TLCD4: variants seen among roughly 807,000 people sequenced by gnomAD.
TLCD4 encodes the protein TLC domain-containing protein 4.
Under a neutral mutation model 24.2 loss-of-function variants are expected in TLCD4, and 7 were observed. The observed-to-expected ratio is 0.29, with a 90% confidence interval of 0.16 to 0.54. TLCD4 has a LOEUF of 0.54. Ranked by LOEUF, TLCD4 falls within the 20% of genes least tolerant of loss-of-function variation. The pLI is 0.95. For missense variants in TLCD4, 259 were observed against 313.9 expected (o/e 0.82, Z 1.32); for synonymous variants, 103 against 106.4 (o/e 0.97, Z 0.20).
Position 95,192,494 on chromosome 1 carries a change from TG to T in TLCD4, c.*627del, listed in dbSNP as rs1294467749. On this transcript the variant is annotated 3_prime_UTR_variant, in exon 7 of 7. Coordinates refer to ENST00000370203, the MANE Select transcript of TLCD4 (RefSeq NM_152487.3). ...ATTTTTTCTCTGTGAAAGATGACTATGATAATCTGGTACAAATGGTTTTATG... is the reference window on the plus strand; with the variant it reads ...ATTTTTTCTCTGTGAAAGATGACTATATAATCTGGTACAAATGGTTTTATG... The T allele has an allele frequency of 6.6e-6, 1 of 152,230 alleles. No individual in the cohort carries two copies. Among genetic ancestry groups the T allele is most frequent in the Admixed American group, 6.5e-5 (1 of 15,284 alleles). The allele number at this position is 152,230 out of a possible 1,614,324, so 9.4% of individuals were successfully genotyped here. A position where few individuals can be genotyped will look rare whatever the true frequency, so the allele number is the denominator to read the frequency against.
intron 5 of TLCD4, among the ~76,000 whole-genome samples, chr1:95,167,844 T>C (rs897574194): frequency 6.6e-6 from 1 of 152,158 alleles, no homozygotes; most frequent in East Asian, 1.9e-4. Context: ...TCACCACCTG[T>C]TTCTTTGTTT....
intron 1 of TLCD4, among the ~76,000 whole-genome samples, chr1:95,126,570 G>A (rs1351693501): frequency 2.0e-5 from 3 of 152,294 alleles, no homozygotes; most frequent in South Asian, 4.1e-4. Context: ...CTGTGGGTTG[G>A]CTAGGTAGTT....
At chr1:95,105,333 T>C in the TLCD4 span, among the ~76,000 whole-genome samples, 8 of 152,332 alleles carry the variant, frequency 5.3e-5, no homozygotes, top group Admixed American at 4.6e-4. Context: ...CCCTGAAATA[T>C]CCTTTTCCCT....
Position 95,192,192 on chromosome 1 carries a change from G to A in TLCD4, c.*324G>A, listed in dbSNP as rs1349577603. The A allele has an allele frequency of 1.3e-5, 3 of 228,218 alleles. No individual in the cohort carries two copies. Among genetic ancestry groups the A allele is most frequent in the Non-Finnish European group, 2.5e-5 (3 of 119,826 alleles). The allele number at this position is 228,218 out of a possible 1,614,324, so 14.1% of individuals were successfully genotyped here. A position where few individuals can be genotyped will look rare whatever the true frequency, so the allele number is the denominator to read the frequency against. On this transcript the variant is annotated 3_prime_UTR_variant, in exon 7 of 7. Transcript: ENST00000370203. ...TTGGCGCCTGTAATCCCAGCTACTC[G>A]GGAGGCTGAGGCAGGAGAATCGCTT...
Position 95,150,353 on chromosome 1 carries a change from AT to A in TLCD4, c.304+90del, listed in dbSNP as rs936356757. Reference sequence around the variant, plus strand: ...AATATATAGTCTATGCTTTTGGTTTATTTGAGAGATAGCATTTAGGAAGCAT... The same window carrying A: ...AATATATAGTCTATGCTTTTGGTTTATTGAGAGATAGCATTTAGGAAGCAT... On this transcript the variant is annotated intron_variant, in intron 4 of 6. Transcript: ENST00000370203. The A allele has an allele frequency of 1.8e-5, 27 of 1,510,344 alleles. No individual in the cohort carries two copies. The Admixed American group carries it at 5.7e-4, about 32-fold the overall frequency. The allele number at this position is 1,510,344 out of a possible 1,614,324, so 93.6% of individuals were successfully genotyped here.
intron 1 of TLCD4, among the ~76,000 whole-genome samples, chr1:95,136,023 G>C (rs1324103543): frequency 6.6e-6 from 1 of 151,804 alleles, no homozygotes; most frequent in Non-Finnish European, 1.5e-5. Context: ...AGCCTGGCCT[G>C]CTCTCAAGTT....
chr1:95,105,282 C>T, the TLCD4 span, among the ~76,000 whole-genome samples: 1 of 152,136 alleles, frequency 6.6e-6, no homozygotes, highest in Non-Finnish European at 1.5e-5. Flanking sequence ...TATTTTAAGT[C>T]AGGGACTATC....
At chr1:95,132,938 A>G (rs55988048) in intron 1 of TLCD4, among the ~76,000 whole-genome samples, 10,011 of 152,224 alleles carry the variant, frequency 0.066, 428 homozygotes, top group South Asian at 0.1. Flanking sequence ...TAACCTTAGC[A>G]ACAGCTATTC....
upstream of TLCD4, among the ~76,000 whole-genome samples, chr1:95,112,416 C>T (rs979258333): frequency 1.3e-4 from 20 of 151,930 alleles, no homozygotes; most frequent in African/African-American, 4.8e-4. Flanking sequence ...AAAAAATTTG[C>T]AAATGAGATA....
intron 5 of TLCD4, among the ~76,000 whole-genome samples, chr1:95,167,837 C>T (rs767466761): frequency 2.4e-4 from 36 of 152,176 alleles, no homozygotes; most frequent in Non-Finnish European, 4.0e-4. Flanking sequence ...CACATTCTCA[C>T]CACCTGTTTC....
At chr1:95,101,298 C>T in the TLCD4 span, among the ~76,000 whole-genome samples, 9 of 151,750 alleles carry the variant, frequency 5.9e-5, no homozygotes, top group East Asian at 1.2e-3. Context: ...CTGTCACCCA[C>T]GCTAGAGTAC....
intron 1 of TLCD4, among the ~76,000 whole-genome samples, chr1:95,119,591 G>GT (rs1393341214): frequency 6.6e-6 from 1 of 152,172 alleles, no homozygotes; most frequent in Non-Finnish European, 1.5e-5. Context: ...TGTACCTGAG[G>GT]TTTGATGGGC....
In TLCD4 at chr1:95,191,880, C is replaced by T. The variant is rs564178331; in HGVS notation, c.*12C>T. On this transcript the variant is annotated 3_prime_UTR_variant, in exon 7 of 7. Coordinates refer to ENST00000370203, the MANE Select transcript of TLCD4 (RefSeq NM_152487.3). The stretch of plus-strand genomic sequence containing the variant: ...GAAAACTTGATTAAAAGAGTGCTAC[C>T]GATAAGCAAACTTCATTACTACCCA... 9.3e-6 allele frequency: 15 copies of T among 1,606,022 alleles called. No homozygotes were observed. Among genetic ancestry groups the T allele is most frequent in the East Asian group, 6.7e-5 (3 of 44,814 alleles).
At chr1:95,151,903 A>G (rs1677504212) in intron 5 of TLCD4, among the ~76,000 whole-genome samples, 1 of 152,146 alleles carries the variant, frequency 6.6e-6, no homozygotes, top group South Asian at 2.1e-4. Flanking sequence ...GATTCTTCCA[A>G]CAGATCTCAG....
intron 6 of TLCD4, 198 bp downstream of exon 6, chr1:95,174,087 G>A: frequency 1.4e-6 from 1 of 706,976 alleles, no homozygotes; most frequent in Non-Finnish European, 2.3e-6. Flanking sequence ...TAGCTAGCAA[G>A]TGGTGGTGCT....
chr1:95,147,627 TTC>T (rs1557684314), intron 2 of TLCD4, among the ~76,000 whole-genome samples: 1 of 152,218 alleles, frequency 6.6e-6, no homozygotes, highest in Non-Finnish European at 1.5e-5. Flanking sequence ...CAATGAAATT[TTC>T]TGATACCAAA....
At chr1:95,169,480 C>G (rs897226509) in intron 5 of TLCD4, among the ~76,000 whole-genome samples, 2 of 152,156 alleles carry the variant, frequency 1.3e-5, no homozygotes, top group South Asian at 4.1e-4. Context: ...TACACTGACT[C>G]TTTTAATACT....
chr1:95,093,454 A>C, the TLCD4 span, among the ~76,000 whole-genome samples: 1 of 152,180 alleles, frequency 6.6e-6, no homozygotes, highest in African/African-American at 2.4e-5. Context: ...TCGGACTGTA[A>C]GCAGTCATAT....
At chr1:95,155,050 G>A (rs1170318129) in intron 5 of TLCD4, among the ~76,000 whole-genome samples, 1 of 151,770 alleles carries the variant, frequency 6.6e-6, no homozygotes, top group Non-Finnish European at 1.5e-5. Context: ...TAGTATAGTA[G>A]GGAAAGGGTG....
Sources: gnomAD v4.1 joint callset for allele counts (sites outside exome capture counted in the v4.1 genomes callset) on GRCh38, gnomAD v4.1.1 for gene constraint, MANE v1.5 for transcripts, NCBI Gene and HGNC (gene_info 2026-07-23, HGNC 2026-07-21) for gene names.